PISD: variants seen among roughly 807,000 people sequenced by gnomAD.
The protein encoded by PISD is phosphatidylserine decarboxylase proenzyme, mitochondrial.
Under a neutral mutation model 43.5 loss-of-function variants are expected in PISD, and 31 were observed. The observed-to-expected ratio is 0.71, with a 90% CI of 0.54 to 0.96. The LOEUF is 0.96. Ranked by LOEUF, PISD falls within the 40% of genes least tolerant of loss-of-function variation. The pLI is 0.00. For missense variants in PISD, 523 were observed against 548.4 expected (o/e 0.95, Z 0.46); for synonymous variants, 259 against 228.7 (o/e 1.13, Z -1.20).
chr22:31,634,706 T>C (rs912293174), intron 3 of PISD, among the ~76,000 whole-genome samples: 4 of 149,584 alleles, frequency 2.7e-5, no homozygotes, highest in Non-Finnish European at 5.9e-5. Flanking sequence ...GGTGTGGTGG[T>C]GCACGCCTGT....
chr22:31,637,161 AAAAATATATAT>A (rs1569487336), intron 3 of PISD, among the ~76,000 whole-genome samples: 12 of 23,312 alleles, frequency 5.1e-4, no homozygotes, highest in South Asian at 3.3e-3. Context: ...AAAAAAAAAA[AAAAATATATAT>A]ATATATATAT....
intron 3 of PISD, chr22:31,638,776 C>T (rs2073595667): frequency 1.2e-5 from 2 of 169,436 alleles, no homozygotes; most frequent in Non-Finnish European, 2.4e-5. Flanking sequence ...CACACACCAC[C>T]ACCCCTGGCT....
At chr22:31,627,099 C>G (rs1356895889) in intron 3 of PISD, among the ~76,000 whole-genome samples, 4 of 152,262 alleles carry the variant, frequency 2.6e-5, no homozygotes, top group African/African-American at 9.6e-5. Context: ...CTGCAAGAAT[C>G]ACCGAAGCCC....
chr22:31,621,039 G>A lies in PISD; in HGVS notation c.801C>T (p.His267=), dbSNP rs571363852. Residue 267 remains histidine (H), a synonymous_variant, in exon 6 of 8, where the codon CAC becomes CAT. Coordinates refer to ENST00000439502, the MANE Select transcript of PISD (RefSeq NM_001326411.2). The part of the protein sequence containing the change: ...YLAPGDYHCF[H]SPTDWTVSHR... Reference sequence around the variant, plus strand: ...GGGACACAGTCCAGTCGGTGGGGGAGTGGAAGCAGTGGTAGTCCCCAGGGG... The same window carrying A: ...GGGACACAGTCCAGTCGGTGGGGGAATGGAAGCAGTGGTAGTCCCCAGGGG... 9 of 1,613,964 alleles carry A rather than the reference G, an allele frequency of 5.6e-6. No individual in the cohort carries two copies. In the African/African-American group the frequency reaches 9.3e-5, roughly 17 times the overall value.
chr22:31,633,354 C>A (rs146302304), intron 3 of PISD, among the ~76,000 whole-genome samples: 10 of 152,328 alleles, frequency 6.6e-5, no homozygotes, highest in African/African-American at 2.4e-4. Flanking sequence ...ATGGCCAGCT[C>A]GGCTGCACTG....
At chr22:31,637,164 A>AATATATATATATATATATATAT (rs61010566) in intron 3 of PISD, among the ~76,000 whole-genome samples, 1 of 13,650 alleles carries the variant, frequency 7.3e-5, no homozygotes, top group Non-Finnish European at 1.2e-4. Flanking sequence ...AAAAAAAAAA[A>AATATATATATATATATATATAT]ATATATATAT....
At chr22:31,656,681 T>A (rs529664109) in intron 1 of PISD, among the ~76,000 whole-genome samples, 7 of 150,068 alleles carry the variant, frequency 4.7e-5, no homozygotes, top group Non-Finnish European at 8.9e-5. Context: ...AATAAATAAA[T>A]AAACAAAACA....
chr22:31,625,941 A>G, intron 3 of PISD: 1 of 1,491,330 alleles, frequency 6.7e-7, no homozygotes, highest in Admixed American at 2.1e-5. Context: ...TGCCTCTGCG[A>G]GGCTGGTTGG....
chr22:31,630,141 G>GGTC lies in PISD; in HGVS notation c.322-8259_322-8257dup, dbSNP rs1376783263. ...TTCCCAAGTAGGAGACGGGGAAAAT[G>GGTC]GTCCTCCCTGGGCGACATGGACCAG... is the stretch of plus-strand genomic sequence containing the variant. On this transcript the variant is annotated intron_variant, in intron 3 of 7. Transcript: ENST00000439502. The surrounding 1 kb of genome is among the most constrained non-coding windows in gnomAD (Gnocchi z 4.4). 1 of 152,162 alleles carries GGTC rather than the reference G, an allele frequency of 6.6e-6. No homozygotes were observed. The highest frequency in any genetic ancestry group is 1.5e-5 in the Non-Finnish European group (1 of 68,080). The allele number at this position is 152,162 out of a possible 1,614,324, so 9.4% of individuals were successfully genotyped here.
rs767091362 is a variant in PISD at position 31,619,594 on chromosome 22, A to G, written c.*18T>C. On this transcript the variant is annotated 3_prime_UTR_variant, in exon 8 of 8. Transcript: ENST00000439502. ...GTTTGGAAAAGATCCCTTAGCAGCC[A>G]TAATCAGGAAAGAGACTCTAGAGCG... 18 of 1,596,160 alleles carry G rather than the reference A, an allele frequency of 1.1e-5. No individual in the cohort carries two copies. The East Asian group carries it at 3.3e-4, about 30-fold the overall frequency.
At chr22:31,623,917 C>G (rs2072728504) in intron 3 of PISD, 1 of 1,442,030 alleles carries the variant, frequency 6.9e-7, no homozygotes, top group Non-Finnish European at 9.5e-7. Flanking sequence ...AGGAGGCTGC[C>G]ACCTGCACCC....
chr22:31,650,624 C>G, intron 2 of PISD, 75 bp downstream of exon 2: 1 of 819,476 alleles, frequency 1.2e-6, no homozygotes, highest in South Asian at 1.5e-5. Flanking sequence ...AACAACAACC[C>G]TATGTTTATC....
chr22:31,653,282 C>T (rs569867575), intron 1 of PISD, among the ~76,000 whole-genome samples: 342 of 152,262 alleles, frequency 2.2e-3, no homozygotes, highest in African/African-American at 8.0e-3. Flanking sequence ...AGCAAAAAGC[C>T]TAAAACCCTG....
At chr22:31,635,539 G>A (rs2073403151) in intron 3 of PISD, among the ~76,000 whole-genome samples, 5 of 152,170 alleles carry the variant, frequency 3.3e-5, no homozygotes. Flanking sequence ...CTGACCTCAG[G>A]TGATCTGCCT....
chr22:31,621,545 C>T (rs752960067), intron 4 of PISD, 73 bp from the exon 5 acceptor site: 1 of 1,602,268 alleles, frequency 6.2e-7, no homozygotes, highest in South Asian at 1.1e-5. Flanking sequence ...CCCCACCTCC[C>T]CTTGTCATCC....
chr22:31,653,640 G>C (rs2074092501), intron 1 of PISD, among the ~76,000 whole-genome samples: 1 of 152,142 alleles, frequency 6.6e-6, no homozygotes. Context: ...TATCAGTTTG[G>C]TACATCAGAT....
At chr22:31,656,649 A>AAAACAAACAAAT (rs781109098) in intron 1 of PISD, among the ~76,000 whole-genome samples, 2 of 149,146 alleles carry the variant, frequency 1.3e-5, no homozygotes, top group African/African-American at 5.0e-5. Context: ...CTGCGTCTCA[A>AAAACAAACAAAT]AAATAAATAA....
At chr22:31,628,408 C>T (rs996928925) in intron 3 of PISD, among the ~76,000 whole-genome samples, 1 of 152,224 alleles carries the variant, frequency 6.6e-6, no homozygotes, top group Non-Finnish European at 1.5e-5. Flanking sequence ...GTGGGAGCCT[C>T]AGGCCCTGGA....
At chr22:31,643,016 T>G (rs2073781420) in intron 3 of PISD, among the ~76,000 whole-genome samples, 1 of 148,044 alleles carries the variant, frequency 6.8e-6, no homozygotes, top group Non-Finnish European at 1.5e-5. Context: ...GCAGGAAAAT[T>G]GCTTGAACCC....
Sources: gnomAD v4.1 joint callset for allele counts (sites outside exome capture counted in the v4.1 genomes callset) on GRCh38, gnomAD v4.1.1 for gene constraint, Gnocchi (gnomAD v3.1) non-coding constraint, MANE v1.5 for transcripts, NCBI Gene and HGNC (gene_info 2026-07-23, HGNC 2026-07-21) for gene names.